The following FHIT variants were observed in gnomAD, a reference collection of about 807,000 sequenced individuals.
FHIT encodes bis(5'-adenosyl)-triphosphatase.
Under a neutral mutation model 17.9 loss-of-function variants are expected in FHIT, and 19 were observed. The observed-to-expected ratio is 1.06, with a 90% CI of 0.74 to 1.56. The LOEUF is 1.56. Ranked by LOEUF, FHIT falls within the 40% of genes most tolerant of loss-of-function variation. The probability of loss-of-function intolerance (pLI) is 0.00; values close to 1 mark genes in which losing one functional copy is unlikely to be tolerated. For missense variants in FHIT, 248 were observed against 189.2 expected (o/e 1.31, Z -1.82); for synonymous variants, 81 against 69.7 (o/e 1.16, Z -0.81).
chr3:61,248,306 G>A (rs973202717), intron 1 of FHIT, among the ~76,000 whole-genome samples: 4 of 152,076 alleles, frequency 2.6e-5, no homozygotes, highest in East Asian at 1.9e-4. Context: ...TTGGGAGAGC[G>A]TGGGGGTGGG....
At chr3:59,848,536 G>C (rs953558994) in intron 8 of FHIT, among the ~76,000 whole-genome samples, 18 of 152,094 alleles carry the variant, frequency 1.2e-4, no homozygotes, top group African/African-American at 3.6e-4. Context: ...TAAAATAATA[G>C]AGATCTTAGA....
chr3:60,742,269 T>G (rs1329721116), intron 4 of FHIT, among the ~76,000 whole-genome samples: 1 of 152,198 alleles, frequency 6.6e-6, no homozygotes, highest in Non-Finnish European at 1.5e-5. Context: ...TAGTCCAGCT[T>G]GCAAAACCTT....
At chr3:60,326,353 A>C (rs989345965) in intron 5 of FHIT, among the ~76,000 whole-genome samples, 3 of 152,150 alleles carry the variant, frequency 2.0e-5, no homozygotes, top group African/African-American at 7.2e-5. Flanking sequence ...GTGACAGATC[A>C]TCAGGCATTA....
At chr3:60,952,726 G>T (rs1708946213) in intron 3 of FHIT, among the ~76,000 whole-genome samples, 1 of 152,156 alleles carries the variant, frequency 6.6e-6, no homozygotes, top group African/African-American at 2.4e-5. Flanking sequence ...ATACCAGAAG[G>T]AAAGTCTCAT....
In FHIT at chr3:59,755,160, G is replaced by GTCCT. The variant is rs1289397889; in HGVS notation, c.349-2843_349-2840dup. Among the ~76,000 whole-genome samples the GTCCT allele has an allele frequency of 4.4e-5, 5 of 114,928 alleles. No homozygotes were observed. The East Asian group carries it at 1.0e-3, about 24-fold the overall frequency. The allele number at this position is 114,928 out of a possible 152,430, so 75.4% of individuals were successfully genotyped here. A position where few individuals can be genotyped will look rare whatever the true frequency, so the allele number is the denominator to read the frequency against. On this transcript the variant is annotated intron_variant, in intron 8 of 9. Transcript: ENST00000492590. ...TGATCCTATCAACAGTACTACTGCT[G>GTCCT]TCCTTTGCAAACCTTGCCCTAGAAC...
At chr3:60,560,541 TTCCCTCA>T (rs2107642409) in intron 4 of FHIT, among the ~76,000 whole-genome samples, 1 of 152,130 alleles carries the variant, frequency 6.6e-6, no homozygotes, top group African/African-American at 2.4e-5. Context: ...GATCTTCCTG[TTCCCTCA>T]CCCCAGGTCT....
chr3:59,976,964 G>C lies in FHIT; in HGVS notation c.279+34407C>G, dbSNP rs1023028043. Among the ~76,000 whole-genome samples, 11 of 152,198 alleles carry C rather than the reference G, an allele frequency of 7.2e-5. No homozygotes were observed. In the South Asian group the frequency reaches 2.3e-3, roughly 32 times the overall value. On this transcript the variant is annotated intron_variant, in intron 7 of 9. Coordinates refer to ENST00000492590, the MANE Select transcript of FHIT (RefSeq NM_002012.4). ...CTAATGGTGAAGGGCTTTTAATTGA[G>C]ATGCTGCACACCACCTGGTTGGGGT...
chr3:59,765,331 A>G (rs1289156094), intron 8 of FHIT, among the ~76,000 whole-genome samples: 1 of 152,230 alleles, frequency 6.6e-6, no homozygotes, highest in Admixed American at 6.5e-5. Context: ...GACTGTTCCT[A>G]GAATCAGGGA....
chr3:60,305,510 G>A (rs895992496), intron 5 of FHIT, among the ~76,000 whole-genome samples: 8 of 152,100 alleles, frequency 5.3e-5, no homozygotes, highest in African/African-American at 1.9e-4. Flanking sequence ...ACTCTCGGCT[G>A]TTGATTCAAC....
rs139383699 is a variant in FHIT, at chr3:60,033,325, G to C, written c.104-19173C>G. 2.6e-5 allele frequency among the ~76,000 whole-genome samples: 4 copies of C among 152,074 alleles called. No homozygotes were observed. The East Asian group carries it at 7.7e-4, about 29-fold the overall frequency. ...AGCCTGACCAACATGGAGAAACCCCGTCTCTACTAAAAATACAAATCAGCC... is the reference window on the plus strand; with the variant it reads ...AGCCTGACCAACATGGAGAAACCCCCTCTCTACTAAAAATACAAATCAGCC... On this transcript the variant is annotated intron_variant, in intron 5 of 9. Transcript: ENST00000492590.
chr3:61,210,097 G>C (rs2039407821), intron 1 of FHIT, among the ~76,000 whole-genome samples: 1 of 152,280 alleles, frequency 6.6e-6, no homozygotes, highest in South Asian at 2.1e-4. Context: ...TGTGTGCCTG[G>C]GTATCAGCAG....
At chr3:60,121,567 C>T (rs901123311) in intron 5 of FHIT, among the ~76,000 whole-genome samples, 1 of 151,994 alleles carries the variant, frequency 6.6e-6, no homozygotes, top group African/African-American at 2.4e-5. Flanking sequence ...GCCAGTAATC[C>T]CAGCTGCTTA....
At chr3:61,126,808 T>G (rs1276002329) in intron 2 of FHIT, among the ~76,000 whole-genome samples, 1 of 152,018 alleles carries the variant, frequency 6.6e-6, no homozygotes, top group Non-Finnish European at 1.5e-5. Context: ...AGGTTCCAAC[T>G]TGAATGGTGT....
chr3:60,785,932 C>CAGAGAGAGAG (rs1218784098), intron 4 of FHIT, among the ~76,000 whole-genome samples: 37 of 124,480 alleles, frequency 3.0e-4, no homozygotes, highest in African/African-American at 1.1e-3. Context: ...CACACACACA[C>CAGAGAGAGAG]ACAGAGAGAG....
intron 7 of FHIT, among the ~76,000 whole-genome samples, chr3:60,004,225 C>G (rs1313193627): frequency 6.6e-6 from 1 of 152,102 alleles, no homozygotes; most frequent in East Asian, 1.9e-4. Context: ...AAATTACAGG[C>G]TCTGAGCCTC....
rs1194316668 is a variant in FHIT at position 60,159,291 on chromosome 3, T to G, written c.104-145139A>C. Among the ~76,000 whole-genome samples the G allele has an allele frequency of 2.0e-5, 3 of 152,194 alleles. No homozygotes were observed. In the East Asian group the frequency reaches 5.8e-4, roughly 30 times the overall value. The stretch of plus-strand genomic sequence containing the variant: ...GCCTGCCACCACACCCAGCTAATTT[T>G]TGTATTTTTAGCAGAGACAGGGTTT... On this transcript the variant is annotated intron_variant, in intron 5 of 9. Coordinates refer to ENST00000492590, the MANE Select transcript of FHIT (RefSeq NM_002012.4).
chr3:61,247,704 A>T (rs1448409701), intron 1 of FHIT, among the ~76,000 whole-genome samples: 1 of 152,256 alleles, frequency 6.6e-6, no homozygotes, highest in African/African-American at 2.4e-5. Context: ...CTTTTATAAT[A>T]TAAATACCTG....
intron 4 of FHIT, among the ~76,000 whole-genome samples, chr3:60,650,984 AT>A (rs2039976501): frequency 6.6e-6 from 1 of 152,070 alleles, no homozygotes; most frequent in Non-Finnish European, 1.5e-5. Flanking sequence ...TATATATACC[AT>A]TTCCAAGTTT....
intron 2 of FHIT, among the ~76,000 whole-genome samples, chr3:61,160,959 T>C (rs1451704417): frequency 6.6e-6 from 1 of 152,180 alleles, no homozygotes; most frequent in East Asian, 1.9e-4. Context: ...ATTATCTCCT[T>C]TGCAGAGTGT....
Sources: gnomAD v4.1 joint callset for allele counts (sites outside exome capture counted in the v4.1 genomes callset) on GRCh38, gnomAD v4.1.1 for gene constraint, MANE v1.5 for transcripts, NCBI Gene and HGNC (gene_info 2026-07-23, HGNC 2026-07-21) for gene names.